The following NXPE2 variants were observed in gnomAD, a reference collection of about 807,000 sequenced individuals.
NXPE2 encodes neurexophilin and PC-esterase domain family member 2, also known as NXPE family member 2.
Under a neutral mutation model 34.4 loss-of-function variants are expected in NXPE2, and 34 were observed. The observed-to-expected ratio is 0.99, with a 90% confidence interval of 0.75 to 1.31. The LOEUF (loss-of-function observed/expected upper bound fraction) is 1.31. NXPE2 is among the 40% of genes most tolerant of loss of function. NXPE2 has a pLI of 0.00. For synonymous variants in NXPE2, 235 were observed against 231.3 expected, an observed-to-expected ratio of 1.02 and a Z score of -0.15; for missense variants, 649 against 672.5, an observed-to-expected ratio of 0.97 and a Z score of 0.39.
At chr11:114,768,468 G>A in the NXPE2 span, among the ~76,000 whole-genome samples, 2 of 152,258 alleles carry the variant, frequency 1.3e-5, no homozygotes, top group East Asian at 3.9e-4. Context: ...GTTGCTTGAT[G>A]GGGATAGCAT....
chr11:114,529,919 G>A, the NXPE2 span: 1 of 435,868 alleles, frequency 2.3e-6, no homozygotes. Context: ...ACTTATCAAG[G>A]AATCTTTTTT....
chr11:114,598,272 A>AGCTCT, the NXPE2 span, among the ~76,000 whole-genome samples: 2 of 25,094 alleles, frequency 8.0e-5, no homozygotes, highest in Non-Finnish European at 8.4e-5. Context: ...GGACCTGGGC[A>AGCTCT]GCTCTGCCCC....
chr11:114,807,843 C>G, the NXPE2 span, among the ~76,000 whole-genome samples: 9 of 151,744 alleles, frequency 5.9e-5, no homozygotes, highest in South Asian at 2.1e-4. Context: ...CCAAGCAGAC[C>G]TAATAGACAT....
the NXPE2 span, among the ~76,000 whole-genome samples, chr11:114,750,325 T>TATG: frequency 1.3e-4 from 20 of 152,200 alleles, no homozygotes; most frequent in Non-Finnish European, 2.9e-4. Context: ...GCGGACAAGT[T>TATG]TTACCCTTAA....
the NXPE2 span, among the ~76,000 whole-genome samples, chr11:114,506,639 A>G: frequency 6.6e-6 from 1 of 152,214 alleles, no homozygotes; most frequent in African/African-American, 2.4e-5. Context: ...GCTTTTGGGT[A>G]AATAATGAAA....
chr11:114,545,439 A>C, the NXPE2 span, among the ~76,000 whole-genome samples: 5 of 152,214 alleles, frequency 3.3e-5, no homozygotes, highest in African/African-American at 1.2e-4. Flanking sequence ...TTAAATGCAT[A>C]ATGCTAAGAG....
chr11:114,674,070 G>T (rs1257059617), upstream of NXPE2, among the ~76,000 whole-genome samples: 1 of 149,826 alleles, frequency 6.7e-6, no homozygotes, highest in Non-Finnish European at 1.5e-5. Flanking sequence ...GGGCCTCCAG[G>T]GGCTGGTGGA....
the NXPE2 span, chr11:114,580,340 T>C: frequency 6.2e-7 from 1 of 1,613,334 alleles, no homozygotes; most frequent in Non-Finnish European, 8.5e-7. Context: ...CTGTTTCTTC[T>C]GCCAAAGAAT....
chr11:114,502,843 G>A, the NXPE2 span, among the ~76,000 whole-genome samples: 1 of 152,188 alleles, frequency 6.6e-6, no homozygotes, highest in South Asian at 2.1e-4. Flanking sequence ...AATTCAGAAA[G>A]AGTTTGATTT....
chr11:114,727,785 AC>A, the NXPE2 span, among the ~76,000 whole-genome samples: 369 of 149,640 alleles, frequency 2.5e-3, no homozygotes, highest in African/African-American at 8.3e-3. Flanking sequence ...ACACACACAC[AC>A]ACACACACAC....
the NXPE2 span, among the ~76,000 whole-genome samples, chr11:114,558,327 C>T: frequency 6.6e-6 from 1 of 151,834 alleles, no homozygotes; most frequent in Non-Finnish European, 1.5e-5. Flanking sequence ...TTTAATAGTG[C>T]TTTTATATAG....
the NXPE2 span, among the ~76,000 whole-genome samples, chr11:114,776,781 GC>G: frequency 1.3e-5 from 2 of 152,092 alleles, no homozygotes; most frequent in Non-Finnish European, 2.9e-5. Flanking sequence ...CCCCGATTAT[GC>G]ATACCTCTGA....
At chr11:114,485,352 G>T in the NXPE2 span, among the ~76,000 whole-genome samples, 1 of 149,366 alleles carries the variant, frequency 6.7e-6, no homozygotes, top group African/African-American at 2.5e-5. Flanking sequence ...GGGATTGCAG[G>T]TGCCTACCAT....
chr11:114,636,691 T>C, the NXPE2 span, among the ~76,000 whole-genome samples: 1 of 152,062 alleles, frequency 6.6e-6, no homozygotes, highest in South Asian at 2.1e-4. Flanking sequence ...TCAAAGAACA[T>C]CTTTATTTCT....
At chr11:114,756,116 C>T in the NXPE2 span, among the ~76,000 whole-genome samples, 4 of 152,174 alleles carry the variant, frequency 2.6e-5, no homozygotes, top group Non-Finnish European at 4.4e-5. Context: ...ATAGTTACCT[C>T]TTTCTTCCTG....
the NXPE2 span, among the ~76,000 whole-genome samples, chr11:114,515,646 T>G: frequency 8.4e-4 from 128 of 152,320 alleles, no homozygotes; most frequent in African/African-American, 2.9e-3. Context: ...CGATCTATTT[T>G]TGTTTACTGA....
At chr11:114,679,530 G>T in intron 1 of NXPE2, 127 bp from the exon 2 acceptor site, 1 of 533,674 alleles carries the variant, frequency 1.9e-6, no homozygotes, top group Non-Finnish European at 3.3e-6. Context: ...AAGATATAAA[G>T]GAACTTTTGG....
the NXPE2 span, among the ~76,000 whole-genome samples, chr11:114,633,161 T>C: frequency 8.6e-4 from 111 of 128,914 alleles, 1 homozygote; most frequent in Admixed American, 7.6e-3. Context: ...TTTGGTATTT[T>C]ATTTTATATA....
the NXPE2 span, among the ~76,000 whole-genome samples, chr11:114,579,420 A>G: frequency 6.6e-6 from 1 of 152,204 alleles, no homozygotes; most frequent in Non-Finnish European, 1.5e-5. Flanking sequence ...GATTGGTGAG[A>G]AACACCAGGC....
Sources: gnomAD v4.1 joint callset for allele counts (sites outside exome capture counted in the v4.1 genomes callset) on GRCh38, gnomAD v4.1.1 for gene constraint, MANE v1.5 for transcripts, NCBI Gene and HGNC (gene_info 2026-07-23, HGNC 2026-07-21) for gene names.